The following TAFA2 variants were observed in gnomAD, a reference collection of about 807,000 sequenced individuals.
The protein encoded by TAFA2 is TAFA chemokine like family member 2.
In TAFA2, 7 loss-of-function variants were observed where a neutral mutation model predicts 18.8. That is an observed-to-expected ratio of 0.37 (90% CI 0.21 to 0.70). The LOEUF is 0.70. TAFA2 is among the 30% of genes least tolerant of loss of function. The pLI, the probability that TAFA2 is intolerant of heterozygous loss-of-function variation, is 0.53. For synonymous variants in TAFA2, 60 were observed against 54.2 expected, an observed-to-expected ratio of 1.11 and a Z score of -0.47; for missense variants, 122 against 158.1, an observed-to-expected ratio of 0.77 and a Z score of 1.23.
At chr12:61,933,314 T>G (rs1033402296) in intron 1 of TAFA2, among the ~76,000 whole-genome samples, 12 of 152,186 alleles carry the variant, frequency 7.9e-5, no homozygotes, top group African/African-American at 2.9e-4. Context: ...AGTTTCCACC[T>G]TTATGTAATG....
At chr12:61,760,318 G>A (rs1869479821) in intron 2 of TAFA2, among the ~76,000 whole-genome samples, 1 of 145,108 alleles carries the variant, frequency 6.9e-6, no homozygotes, top group African/African-American at 2.5e-5. Context: ...AGATAATCTT[G>A]TGCTCAAAAA....
chr12:61,835,037 G>A (rs1054036161), intron 2 of TAFA2, among the ~76,000 whole-genome samples: 14 of 151,740 alleles, frequency 9.2e-5, no homozygotes, highest in African/African-American at 3.1e-4. Flanking sequence ...GCTCTGTCTG[G>A]ACTGCTTTCT....
At chr12:62,151,537 T>C (rs1335283151) in intron 1 of TAFA2, among the ~76,000 whole-genome samples, 1 of 152,230 alleles carries the variant, frequency 6.6e-6, no homozygotes, top group Non-Finnish European at 1.5e-5. Context: ...AGTTATTTAG[T>C]GTCATAGAGA....
At chr12:61,726,269 A>G (rs1189150536) in intron 4 of TAFA2, among the ~76,000 whole-genome samples, 1 of 151,882 alleles carries the variant, frequency 6.6e-6, no homozygotes, top group African/African-American at 2.4e-5. Context: ...TAGTTATATG[A>G]AGAATGATGG....
chr12:61,946,117 C>G (rs1421583229), intron 1 of TAFA2, among the ~76,000 whole-genome samples: 1 of 148,178 alleles, frequency 6.7e-6, no homozygotes, highest in Non-Finnish European at 1.5e-5. Flanking sequence ...AGATATAGAT[C>G]AATGGAACAG....
chr12:61,999,560 T>C (rs1462288099), intron 1 of TAFA2, among the ~76,000 whole-genome samples: 1 of 152,186 alleles, frequency 6.6e-6, no homozygotes, highest in Non-Finnish European at 1.5e-5. Context: ...AATCCTGTCA[T>C]GTGCCCAGCT....
chr12:62,016,641 T>C (rs1035185611), intron 1 of TAFA2, among the ~76,000 whole-genome samples: 19 of 152,240 alleles, frequency 1.2e-4, no homozygotes, highest in Admixed American at 5.2e-4. Context: ...TAATATAAAA[T>C]GTAAGGCATA....
chr12:61,974,215 C>G (rs1240648626), intron 1 of TAFA2, among the ~76,000 whole-genome samples: 1 of 151,608 alleles, frequency 6.6e-6, no homozygotes, highest in Non-Finnish European at 1.5e-5. Flanking sequence ...CTATTCATCA[C>G]TCTTGCCAAA....
rs1035592781 is a variant in TAFA2, at chr12:61,987,650, C to G, written c.-1-120224G>C. ...GTACTTCCGAGAACACAAATAATAT[C>G]TAAGCCAAAAATAACCTAATCTAAA... On this transcript the variant is annotated intron_variant, in intron 1 of 4. Coordinates refer to ENST00000416284, the MANE Select transcript of TAFA2 (RefSeq NM_178539.5). 2.0e-5 allele frequency among the ~76,000 whole-genome samples: 3 copies of G among 152,160 alleles called. No individual in the cohort carries two copies. In the South Asian group the frequency reaches 6.2e-4, roughly 32 times the overall value.
chr12:62,025,229 A>G (rs68046549), intron 1 of TAFA2, among the ~76,000 whole-genome samples: 58,732 of 151,792 alleles, frequency 0.39, 11,872 homozygotes, highest in Non-Finnish European at 0.42. Flanking sequence ...TAAAGATGGC[A>G]ACAATAGAAA....
intron 1 of TAFA2, among the ~76,000 whole-genome samples, chr12:62,103,846 A>G (rs80239013): frequency 0.054 from 8,246 of 152,326 alleles, 336 homozygotes; most frequent in Non-Finnish European, 0.083. Context: ...TGATAAATGA[A>G]CAATGTCTAA....
chr12:62,226,493 G>A (rs1592409496), intron 1 of TAFA2, among the ~76,000 whole-genome samples: 1 of 152,054 alleles, frequency 6.6e-6, no homozygotes, highest in Non-Finnish European at 1.5e-5. Flanking sequence ...CACCGCACCC[G>A]GCCTTGATTA....
chr12:62,122,670 T>C (rs1870249733), intron 1 of TAFA2, among the ~76,000 whole-genome samples: 1 of 152,188 alleles, frequency 6.6e-6, no homozygotes, highest in Non-Finnish European at 1.5e-5. Context: ...ACTGCCTCTG[T>C]ATAGATTCCT....
At chr12:62,244,640 A>C (rs890599668) in intron 1 of TAFA2, among the ~76,000 whole-genome samples, 1 of 152,172 alleles carries the variant, frequency 6.6e-6, no homozygotes, top group African/African-American at 2.4e-5. Context: ...CAACTTTACT[A>C]AACACCAAAT....
chr12:62,002,795 G>A (rs936506068), intron 1 of TAFA2, among the ~76,000 whole-genome samples: 8 of 151,824 alleles, frequency 5.3e-5, no homozygotes, highest in African/African-American at 1.7e-4. Flanking sequence ...TCTTCATTTT[G>A]TTGTTACCTA....
intron 1 of TAFA2, among the ~76,000 whole-genome samples, chr12:62,110,772 A>C (rs1869693619): frequency 6.6e-6 from 1 of 151,930 alleles, no homozygotes; most frequent in Non-Finnish European, 1.5e-5. Context: ...TCAAGTTTCT[A>C]TACATAGAGG....
intron 1 of TAFA2, among the ~76,000 whole-genome samples, chr12:62,108,599 A>C (rs1869572194): frequency 6.6e-6 from 1 of 152,150 alleles, no homozygotes; most frequent in African/African-American, 2.4e-5. Context: ...TTACACTCCC[A>C]CCAACAGTGT....
At chr12:61,829,680 T>C (rs1461413279) in intron 2 of TAFA2, among the ~76,000 whole-genome samples, 1 of 151,668 alleles carries the variant, frequency 6.6e-6, no homozygotes, top group Admixed American at 6.6e-5. Flanking sequence ...AATATCTTTA[T>C]CTTTTGTGCC....
intron 2 of TAFA2, among the ~76,000 whole-genome samples, chr12:61,785,197 G>A (rs977032354): frequency 6.6e-6 from 1 of 151,264 alleles, no homozygotes; most frequent in African/African-American, 2.4e-5. Flanking sequence ...CCATATATGA[G>A]TGAGAACATT....
Sources: allele counts gnomAD v4.1 joint callset (sites outside exome capture counted in the v4.1 genomes callset), GRCh38; gene constraint gnomAD v4.1.1; transcripts MANE v1.5; gene names NCBI Gene and HGNC (gene_info 2026-07-23, HGNC 2026-07-21).